CSMD1: variants seen among roughly 807,000 people sequenced by gnomAD.
CSMD1 encodes CUB and sushi domain-containing protein 1.
In CSMD1, 213 loss-of-function variants were observed where a neutral mutation model predicts 417.5. That is an observed-to-expected ratio of 0.51 (90% CI 0.46 to 0.57). CSMD1 has a LOEUF of 0.57. Among genes scored for constraint, CSMD1 ranks in the 20% least tolerant of loss-of-function variants. The probability of loss-of-function intolerance (pLI) is 0.00; values close to 1 mark genes in which losing one functional copy is unlikely to be tolerated. For synonymous variants in CSMD1, 2,862 were observed against 1,736.8 expected, an observed-to-expected ratio of 1.65 and a Z score of -16.11; for missense variants, 6,923 against 4,529.7, an observed-to-expected ratio of 1.53 and a Z score of -15.17.
intron 2 of CSMD1, among the ~76,000 whole-genome samples, chr8:4,532,367 C>T (rs1796866471): frequency 6.6e-6 from 1 of 151,540 alleles, no homozygotes; most frequent in Admixed American, 6.6e-5. Context: ...CACCCGCATT[C>T]AGTCACTCCA....
chr8:4,115,530 C>A (rs1479027850), intron 3 of CSMD1, among the ~76,000 whole-genome samples: 1 of 152,108 alleles, frequency 6.6e-6, no homozygotes, highest in Non-Finnish European at 1.5e-5. Flanking sequence ...AGGATTCTTT[C>A]ACTTTTGTCA....
chr8:4,888,885 T>C (rs1350950030), intron 1 of CSMD1, among the ~76,000 whole-genome samples: 2 of 152,110 alleles, frequency 1.3e-5, no homozygotes, highest in Non-Finnish European at 2.9e-5. Context: ...CAAAGATTTG[T>C]AACCCATACA....
intron 1 of CSMD1, among the ~76,000 whole-genome samples, chr8:4,712,788 G>C (rs1808394078): frequency 6.6e-6 from 1 of 152,072 alleles, no homozygotes; most frequent in African/African-American, 2.4e-5. Flanking sequence ...CTGCCTGTTG[G>C]TTTCGTGCTG....
intron 1 of CSMD1, among the ~76,000 whole-genome samples, chr8:4,782,207 C>T (rs895281571): frequency 3.9e-5 from 6 of 152,120 alleles, no homozygotes; most frequent in African/African-American, 1.4e-4. Context: ...AGTAGAGTGA[C>T]TCTGCTTAAT....
In CSMD1 at chr8:4,106,826, A is replaced by T. The variant is rs1170966352; in HGVS notation, c.416-74727T>A. 4.6e-5 allele frequency among the ~76,000 whole-genome samples: 7 copies of T among 152,160 alleles called. No individual in the cohort carries two copies. The East Asian group carries it at 1.3e-3, about 29-fold the overall frequency. On this transcript the variant is annotated intron_variant, in intron 3 of 69. Coordinates refer to ENST00000635120, the MANE Select transcript of CSMD1 (RefSeq NM_033225.6). ...AGAGCTCAGGTCTACACCAGCACACACTATCCGAAGTCAGAGAGAAAAGAA... is the reference window on the plus strand; with the variant it reads ...AGAGCTCAGGTCTACACCAGCACACTCTATCCGAAGTCAGAGAGAAAAGAA...
chr8:4,181,405 T>C (rs769385137), intron 3 of CSMD1, among the ~76,000 whole-genome samples: 1 of 152,020 alleles, frequency 6.6e-6, no homozygotes, highest in East Asian at 1.9e-4. Context: ...GGCAGGGTTC[T>C]CCAATCTTTT....
intron 5 of CSMD1, among the ~76,000 whole-genome samples, chr8:3,875,451 T>C (rs1203658151): frequency 6.6e-6 from 1 of 151,460 alleles, no homozygotes; most frequent in Non-Finnish European, 1.5e-5. Context: ...ATGATGTAGG[T>C]GAATGGGTGG....
At position 4,296,050 on chromosome 8, in the gene CSMD1, G is replaced by C. The variant is rs535349491; in HGVS notation, c.415+123903C>G. On this transcript the variant is annotated intron_variant, in intron 3 of 69. Transcript: ENST00000635120. The stretch of plus-strand genomic sequence containing the variant: ...AATGAAACTGTCTAATTGCAAAAAA[G>C]ACTGAAGGAGCCCTTAAAATGATGT... Among the ~76,000 whole-genome samples the C allele has an allele frequency of 2.0e-5, 3 of 151,938 alleles. No individual in the cohort carries two copies. In the South Asian group the frequency reaches 6.2e-4, roughly 32 times the overall value.
At chr8:3,900,754 G>T (rs568102570) in intron 5 of CSMD1, among the ~76,000 whole-genome samples, 2 of 151,654 alleles carry the variant, frequency 1.3e-5, no homozygotes, top group South Asian at 4.2e-4. Context: ...CCGCAACTGG[G>T]TGACAGTACA....
At position 4,695,664 on chromosome 8, in the gene CSMD1, T is replaced by C. The variant is rs567655175; in HGVS notation, c.86-58106A>G. ...AGAGAGGTGCATTTGTTAGAACCTATAGACCTAGGTTGATACATCATTATC... is the reference window on the plus strand; with the variant it reads ...AGAGAGGTGCATTTGTTAGAACCTACAGACCTAGGTTGATACATCATTATC... On this transcript the variant is annotated intron_variant, in intron 1 of 69. Coordinates refer to ENST00000635120, the MANE Select transcript of CSMD1 (RefSeq NM_033225.6). Among the ~76,000 whole-genome samples, 102 of 152,264 alleles carry C rather than the reference T, an allele frequency of 6.7e-4. 2 individuals carry two copies. The highest frequency in any genetic ancestry group is 3.3e-3 in the South Asian group (16 of 4,828).
At chr8:4,055,849 C>G (rs1427614475) in intron 3 of CSMD1, among the ~76,000 whole-genome samples, 1 of 152,018 alleles carries the variant, frequency 6.6e-6, no homozygotes, top group Non-Finnish European at 1.5e-5. Context: ...TTCTTTTTTA[C>G]TATGCCAGCT....
chr8:4,948,725 C>A (rs11136808), intron 1 of CSMD1, among the ~76,000 whole-genome samples: 1 of 151,854 alleles, frequency 6.6e-6, no homozygotes, highest in Non-Finnish European at 1.5e-5. Context: ...ATGTAGGCAT[C>A]TGTACCATTT....
intron 5 of CSMD1, among the ~76,000 whole-genome samples, chr8:3,935,636 G>A (rs1810441300): frequency 6.6e-6 from 1 of 152,088 alleles, no homozygotes; most frequent in African/African-American, 2.4e-5. Flanking sequence ...CCCCATATGT[G>A]TCCATATAAG....
intron 5 of CSMD1, among the ~76,000 whole-genome samples, chr8:3,954,853 T>G (rs1585027848): frequency 6.6e-6 from 1 of 152,246 alleles, no homozygotes; most frequent in African/African-American, 2.4e-5. Flanking sequence ...TACATGCATG[T>G]GCATTGGAGT....
At chr8:4,259,308 C>G (rs569738717) in intron 3 of CSMD1, among the ~76,000 whole-genome samples, 7 of 152,262 alleles carry the variant, frequency 4.6e-5, no homozygotes, top group South Asian at 2.1e-4. Flanking sequence ...TGTCTTAAGA[C>G]TGTTTTCCTC....
intron 26 of CSMD1, among the ~76,000 whole-genome samples, chr8:3,246,661 G>T (rs1216456402): frequency 6.6e-6 from 1 of 152,120 alleles, no homozygotes; most frequent in Non-Finnish European, 1.5e-5. Context: ...TGAAAGAGAC[G>T]GGGTTTTGCC....
chr8:4,840,717 T>C (rs1047380153), intron 1 of CSMD1, among the ~76,000 whole-genome samples: 3 of 152,238 alleles, frequency 2.0e-5, no homozygotes, highest in East Asian at 1.9e-4. Flanking sequence ...TTTTATCTTC[T>C]GAAGACCACT....
chr8:3,936,843 C>T (rs1433402943), intron 5 of CSMD1, among the ~76,000 whole-genome samples: 1 of 152,100 alleles, frequency 6.6e-6, no homozygotes, highest in Non-Finnish European at 1.5e-5. Context: ...GAGAGTGAGT[C>T]CATTGATGGA....
At chr8:4,036,966 T>G (rs866694678) in intron 3 of CSMD1, among the ~76,000 whole-genome samples, 1,545 of 143,444 alleles carry the variant, frequency 0.011, 23 homozygotes, top group African/African-American at 0.037. Flanking sequence ...GGTGTGTGTG[T>G]GTGTGTGTGT....
Sources: gnomAD v4.1 joint callset for allele counts (sites outside exome capture counted in the v4.1 genomes callset) on GRCh38, gnomAD v4.1.1 for gene constraint, MANE v1.5 for transcripts, NCBI Gene and HGNC (gene_info 2026-07-23, HGNC 2026-07-21) for gene names.